SHOC2: variants seen among roughly 807,000 people sequenced by gnomAD.
SHOC2 encodes SHOC2 leucine rich repeat scaffold protein.
Under a neutral mutation model 50.2 loss-of-function variants are expected in SHOC2, and 4 were observed. That is an observed-to-expected ratio of 0.08 (90% confidence interval 0.04 to 0.18). The LOEUF (loss-of-function observed/expected upper bound fraction) is 0.18, where lower values mean the gene tolerates loss of function less well. Ranked by LOEUF, SHOC2 falls within the 10% of genes least tolerant of loss-of-function variation. SHOC2 has a pLI of 1.00. For synonymous variants in SHOC2, 218 were observed against 244.5 expected (o/e 0.89, Z 1.01); for missense variants, 388 against 669.6 (o/e 0.58, Z 4.64).
chr10:110,975,158 CTT>C (rs200869891), intron 2 of SHOC2, among the ~76,000 whole-genome samples: 24 of 143,046 alleles, frequency 1.7e-4, no homozygotes, highest in Non-Finnish European at 2.2e-4. Flanking sequence ...TCCCATGTTA[CTT>C]TTTTTTTTTT....
At chr10:110,924,300 A>G (rs967836627) in intron 1 of SHOC2, among the ~76,000 whole-genome samples, 3 of 152,232 alleles carry the variant, frequency 2.0e-5, no homozygotes, top group East Asian at 1.9e-4. Flanking sequence ...AATGTGACAC[A>G]TGCTTTTAAC....
chr10:110,936,987 T>C, intron 1 of SHOC2: 1 of 1,464,884 alleles, frequency 6.8e-7, no homozygotes, highest in Non-Finnish European at 9.6e-7. Flanking sequence ...CTTCGCACAG[T>C]CAGCCAGAAG....
At chr10:110,960,714 C>T (rs568165961) in intron 1 of SHOC2, among the ~76,000 whole-genome samples, 5 of 152,264 alleles carry the variant, frequency 3.3e-5, no homozygotes, top group East Asian at 1.9e-4. Context: ...CTCTCTCTGT[C>T]GCCCAGGCTA....
At chr10:111,009,951 A>AT (rs368477814) in intron 8 of SHOC2, 121 bp downstream of exon 8, 6,221 of 546,510 alleles carry the variant, frequency 0.011, no homozygotes, top group South Asian at 0.014. Flanking sequence ...CAGGCTTAAG[A>AT]TTTTTTTTTT....
At chr10:110,929,123 A>G (rs1391795297) in intron 1 of SHOC2, among the ~76,000 whole-genome samples, 1 of 152,172 alleles carries the variant, frequency 6.6e-6, no homozygotes, top group Non-Finnish European at 1.5e-5. Context: ...AATATAATTG[A>G]AGTTTTCTTA....
At chr10:110,978,637 C>T (rs928664217) in intron 2 of SHOC2, among the ~76,000 whole-genome samples, 1 of 152,240 alleles carries the variant, frequency 6.6e-6, no homozygotes, top group Non-Finnish European at 1.5e-5. Context: ...CTTTAGCCTT[C>T]TAGCTGTGGT....
chr10:110,928,186 G>T (rs560892752), intron 1 of SHOC2, among the ~76,000 whole-genome samples: 1 of 151,894 alleles, frequency 6.6e-6, no homozygotes, highest in Non-Finnish European at 1.5e-5. Flanking sequence ...GTGCAGTGAC[G>T]CATGCCTGTA....
At chr10:110,966,274 T>C (rs1038589151) in intron 2 of SHOC2, among the ~76,000 whole-genome samples, 11 of 152,110 alleles carry the variant, frequency 7.2e-5, no homozygotes, top group Non-Finnish European at 1.2e-4. Context: ...AGTAATATAC[T>C]GTAGAGTATG....
intron 1 of SHOC2, among the ~76,000 whole-genome samples, chr10:110,960,916 A>T (rs1014063028): frequency 5.3e-5 from 8 of 152,136 alleles, no homozygotes; most frequent in Non-Finnish European, 1.2e-4. Context: ...ACCTTAAGTG[A>T]TCCGCCTGCC....
chr10:110,988,530 A>G (rs191573485), intron 3 of SHOC2, among the ~76,000 whole-genome samples: 54 of 152,244 alleles, frequency 3.5e-4, no homozygotes, highest in Non-Finnish European at 7.1e-4. Context: ...TGTAGAATCT[A>G]TAGTAATGCC....
At chr10:111,011,115 C>T (rs1210221174) in intron 8 of SHOC2, among the ~76,000 whole-genome samples, 2 of 152,116 alleles carry the variant, frequency 1.3e-5, no homozygotes, top group East Asian at 3.8e-4. Flanking sequence ...TATGTGATAA[C>T]TCTTAGTGAA....
At chr10:110,960,012 T>C (rs1489190537) in intron 1 of SHOC2, among the ~76,000 whole-genome samples, 1 of 152,242 alleles carries the variant, frequency 6.6e-6, no homozygotes, top group East Asian at 1.9e-4. Flanking sequence ...AAAGTCCAAA[T>C]TACTAAATTT....
chr10:110,992,801 C>A (rs1230903569), intron 3 of SHOC2, among the ~76,000 whole-genome samples: 1 of 152,056 alleles, frequency 6.6e-6, no homozygotes, highest in Non-Finnish European at 1.5e-5. Flanking sequence ...TCAGGAATTT[C>A]TGTGTTGCTT....
In SHOC2 at chr10:110,932,850, T is replaced by G. The variant is rs1182107162; in HGVS notation, c.-235+13193T>G. ...GCAAGGTATACTAAGTGCATTACAC[T>G]TAGTATAAATGTTGACCAAATGAAA... On this transcript the variant is annotated intron_variant, in intron 1 of 8. Coordinates refer to ENST00000369452, the MANE Select transcript of SHOC2 (RefSeq NM_007373.4). Among the ~76,000 whole-genome samples the G allele has an allele frequency of 3.9e-5, 6 of 152,226 alleles. No homozygotes were observed. In the East Asian group the frequency reaches 1.2e-3, roughly 29 times the overall value.
intron 1 of SHOC2, among the ~76,000 whole-genome samples, chr10:110,927,096 T>G (rs1351883421): frequency 2.6e-5 from 4 of 152,224 alleles, no homozygotes; most frequent in Admixed American, 6.5e-5. Context: ...TCAACTTTTA[T>G]TCTGTTAAAG....
intron 6 of SHOC2, among the ~76,000 whole-genome samples, chr10:111,008,307 T>G (rs1848506708): frequency 6.6e-6 from 1 of 151,580 alleles, no homozygotes; most frequent in African/African-American, 2.4e-5. Context: ...ATAGTAAATA[T>G]ATTGCTTTTT....
At chr10:110,988,821 C>A (rs1158346210) in intron 3 of SHOC2, 1 of 418,768 alleles carries the variant, frequency 2.4e-6, no homozygotes, top group Non-Finnish European at 4.7e-6. Context: ...GTAAATTTCC[C>A]CTTAAGTACT....
At chr10:110,938,158 T>C (rs1048654045) in intron 1 of SHOC2, among the ~76,000 whole-genome samples, 1 of 152,180 alleles carries the variant, frequency 6.6e-6, no homozygotes, top group Non-Finnish European at 1.5e-5. Flanking sequence ...AAAAGAAATA[T>C]GTTTGAAAAA....
At chr10:110,974,585 C>G (rs1372176473) in intron 2 of SHOC2, among the ~76,000 whole-genome samples, 2 of 151,952 alleles carry the variant, frequency 1.3e-5, no homozygotes, top group African/African-American at 4.8e-5. Flanking sequence ...CCCTTCCTCT[C>G]TTTTCTTATG....
Sources: allele counts gnomAD v4.1 joint callset (sites outside exome capture counted in the v4.1 genomes callset), GRCh38; gene constraint gnomAD v4.1.1; transcripts MANE v1.5; gene names NCBI Gene and HGNC (gene_info 2026-07-23, HGNC 2026-07-21).